FBN1: variants seen among roughly 807,000 people sequenced by gnomAD.
The protein encoded by FBN1 is fibrillin-1.
Under a neutral mutation model 365.1 loss-of-function variants are expected in FBN1, and 29 were observed. The observed-to-expected ratio is 0.08, with a 90% CI of 0.06 to 0.11. The LOEUF is 0.11. Among genes scored for constraint, FBN1 ranks in the 10% least tolerant of loss-of-function variants. FBN1 has a pLI of 1.00. For missense variants in FBN1, 2,476 were observed against 3,703.2 expected (o/e 0.67, Z 8.60); for synonymous variants, 1,210 against 1,270.5 (o/e 0.95, Z 1.01).
intron 8 of FBN1, among the ~76,000 whole-genome samples, chr15:48,528,446 G>T (rs907382313): frequency 6.6e-6 from 1 of 152,180 alleles, no homozygotes; most frequent in Non-Finnish European, 1.5e-5. Context: ...TATAATGCAG[G>T]TAGGACTGTG....
chr15:48,594,580 C>T (rs958468436), intron 6 of FBN1, among the ~76,000 whole-genome samples: 10 of 152,302 alleles, frequency 6.6e-5, no homozygotes, highest in Admixed American at 5.9e-4. Context: ...CCATTCAGGA[C>T]ATTTCTTAAT....
At chr15:48,485,681 C>T (rs1161927339) in intron 29 of FBN1, among the ~76,000 whole-genome samples, 185 bp from the exon 30 acceptor site, 3 of 152,152 alleles carry the variant, frequency 2.0e-5, no homozygotes, top group Non-Finnish European at 4.4e-5. Flanking sequence ...AGATCAAGTT[C>T]AGCCCCCTCT....
chr15:48,443,455 C>T lies in FBN1; in HGVS notation c.6037+1086G>A, dbSNP rs372321036. Among the ~76,000 whole-genome samples the T allele has an allele frequency of 2.8e-3, 422 of 151,980 alleles. 1 individual carries two copies. Among genetic ancestry groups the T allele is most frequent in the African/African-American group, 9.6e-3 (397 of 41,452 alleles). ...TCTATATATATTCTGTTCAATTTAGCGAACTTATGTATTGATAATAAAGCC... is the reference window on the plus strand; with the variant it reads ...TCTATATATATTCTGTTCAATTTAGTGAACTTATGTATTGATAATAAAGCC... On this transcript the variant is annotated intron_variant, in intron 49 of 65. Transcript: ENST00000316623.
chr15:48,574,521 T>C (rs2044330494), intron 6 of FBN1, among the ~76,000 whole-genome samples: 1 of 151,804 alleles, frequency 6.6e-6, no homozygotes, highest in South Asian at 2.1e-4. Flanking sequence ...AAGTGGTTAA[T>C]GATCCAATGC....
At chr15:48,609,502 C>T (rs987168609) in intron 4 of FBN1, among the ~76,000 whole-genome samples, 7 of 152,362 alleles carry the variant, frequency 4.6e-5, no homozygotes, top group African/African-American at 1.7e-4. Context: ...AGTACATTAT[C>T]AAATCTATTA....
At chr15:48,543,927 A>C (rs1296236255) in intron 6 of FBN1, among the ~76,000 whole-genome samples, 1 of 151,998 alleles carries the variant, frequency 6.6e-6, no homozygotes, top group African/African-American at 2.4e-5. Flanking sequence ...AGCAATGTAA[A>C]TAAATAATAA....
In FBN1 at chr15:48,542,245, G is replaced by A. The variant is rs1566923244; in HGVS notation, c.539-4437C>T. 2.0e-5 allele frequency among the ~76,000 whole-genome samples: 3 copies of A among 152,190 alleles called. No homozygotes were observed. In the East Asian group the frequency reaches 5.8e-4, roughly 29 times the overall value. On this transcript the variant is annotated intron_variant, in intron 6 of 65. Transcript: ENST00000316623. Reference sequence around the variant, plus strand: ...GTTTACAGGGAAAGAATATTCTGTGGTACAATGAATTCTCGTCCCTCCTGC... The same window carrying A: ...GTTTACAGGGAAAGAATATTCTGTGATACAATGAATTCTCGTCCCTCCTGC...
intron 50 of FBN1, among the ~76,000 whole-genome samples, chr15:48,440,263 C>T (rs2043102575): frequency 6.6e-6 from 1 of 152,206 alleles, no homozygotes; most frequent in African/African-American, 2.4e-5. Flanking sequence ...TCAGTTCTGG[C>T]TCTGCCTCCT....
chr15:48,481,559 T>G, intron 32 of FBN1, 96 bp downstream of exon 32: 2 of 1,285,408 alleles, frequency 1.6e-6, no homozygotes. Flanking sequence ...ATAATATAGT[T>G]AAAATGTATG....
rs57471693 is a variant in FBN1 at position 48,414,712 on chromosome 15, C to T, written c.8051+824G>A. Among the ~76,000 whole-genome samples, 1,273 of 152,134 alleles carry T rather than the reference C, an allele frequency of 8.4e-3. 20 individuals carry two copies. Among genetic ancestry groups the T allele is most frequent in the African/African-American group, 0.03 (1,234 of 41,510 alleles). ...GAGATCGAGACCATCCTGGCTAACA[C>T]GGTGAAACCCCGTTTCTATTAAAAA... On this transcript the variant is annotated intron_variant, in intron 64 of 65. Transcript: ENST00000316623.
In FBN1 at chr15:48,421,999, G is replaced by A. The variant is rs752872632; in HGVS notation, c.7523C>T (p.Thr2508Ile). The A allele has an allele frequency of 1.9e-6, 3 of 1,614,116 alleles. No individual in the cohort carries two copies. Among genetic ancestry groups the A allele is most frequent in the Non-Finnish European group, 2.5e-6 (3 of 1,179,982 alleles). The change falls in exon 61 of 66, where the codon ACA (threonine) becomes ATA (isoleucine). Residue 2508 changes from threonine (T) to isoleucine (I), a missense_variant. Thr to Ile is a moderately conservative substitution (Grantham distance 89). Coordinates refer to ENST00000316623, the MANE Select transcript of FBN1 (RefSeq NM_000138.5). The part of the protein sequence containing the change: ...FLCVNTIGGF[T>I]CKCPPGFTQH... Reference sequence around the variant, plus strand: ...GGTAAATCCGGGAGGACATTTGCATGTGAAGCCGCCAATGGTGTTAACACA... The same window carrying A: ...GGTAAATCCGGGAGGACATTTGCATATGAAGCCGCCAATGGTGTTAACACA...
chr15:48,568,457 A>G (rs1247287560), intron 6 of FBN1, among the ~76,000 whole-genome samples: 2 of 152,134 alleles, frequency 1.3e-5, no homozygotes, highest in Non-Finnish European at 2.9e-5. Flanking sequence ...GATTAAAGGT[A>G]ATCTTTATCA....
At chr15:48,527,068 T>A (rs2043920961) in intron 8 of FBN1, among the ~76,000 whole-genome samples, 1 of 152,248 alleles carries the variant, frequency 6.6e-6, no homozygotes, top group African/African-American at 2.4e-5. Flanking sequence ...CCCCAATTCC[T>A]TCTGGGGCCA....
intron 35 of FBN1, among the ~76,000 whole-genome samples, 184 bp downstream of exon 35, chr15:48,472,367 T>C (rs1373305439): frequency 6.6e-6 from 1 of 151,798 alleles, no homozygotes; most frequent in Non-Finnish European, 1.5e-5. Context: ...TGAGGTTTTC[T>C]GTGCAGCAAG....
At chr15:48,637,921 T>G (rs1890123225) in intron 2 of FBN1, among the ~76,000 whole-genome samples, 1 of 152,224 alleles carries the variant, frequency 6.6e-6, no homozygotes, top group Non-Finnish European at 1.5e-5. Context: ...ACTCTGCTGC[T>G]GTAGGGAGAA....
intron 2 of FBN1, among the ~76,000 whole-genome samples, chr15:48,623,968 AACACACAC>A (rs145521473): frequency 8.2e-5 from 12 of 146,396 alleles, no homozygotes; most frequent in South Asian, 2.2e-4. Context: ...CAAAGACACA[AACACACAC>A]ACACACACAC....
chr15:48,527,393 G>C (rs1477666760), intron 8 of FBN1, among the ~76,000 whole-genome samples: 1 of 152,214 alleles, frequency 6.6e-6, no homozygotes, highest in African/African-American at 2.4e-5. Context: ...TTCCTTCTTA[G>C]GCTAGAAGTA....
intron 40 of FBN1, among the ~76,000 whole-genome samples, chr15:48,464,614 A>G (rs1388114068): frequency 6.6e-6 from 1 of 152,208 alleles, no homozygotes; most frequent in Non-Finnish European, 1.5e-5. Context: ...CTAATAAATT[A>G]ACCTATAATA....
At chr15:48,435,760 ATATATGTGTATATGTG>A (rs1226603192) in intron 53 of FBN1, among the ~76,000 whole-genome samples, 1 of 56,834 alleles carries the variant, frequency 1.8e-5, no homozygotes, top group African/African-American at 6.1e-5. Context: ...ATGTGTGTAT[ATATATGTGTATATGTG>A]TGTGTGTGTG....
Sources: gnomAD v4.1 joint callset for allele counts (sites outside exome capture counted in the v4.1 genomes callset) on GRCh38, gnomAD v4.1.1 for gene constraint, MANE v1.5 for transcripts, NCBI Gene and HGNC (gene_info 2026-07-23, HGNC 2026-07-21) for gene names.